Variants in GABRG1 observed in about 807,000 individuals in gnomAD.
GABRG1 encodes the protein gamma-aminobutyric acid type A receptor subunit gamma1, also known as gamma-aminobutyric acid receptor subunit gamma-1.
In GABRG1, 49 loss-of-function variants were observed where a neutral mutation model predicts 49.8. The ratio of observed to expected loss-of-function variants is 0.98; its 90% CI spans 0.78 to 1.25. GABRG1 has a LOEUF of 1.25. Among genes scored for constraint, GABRG1 ranks in the 50% most tolerant of loss-of-function variants. The pLI, the probability that GABRG1 is intolerant of heterozygous loss-of-function variation, is 0.00. For missense variants in GABRG1, 552 were observed against 552.3 expected (o/e 1.00, Z 0.01); for synonymous variants, 232 against 185.1 (o/e 1.25, Z -2.06).
At chr4:46,050,190 GA>G (rs1429881467) in intron 8 of GABRG1, among the ~76,000 whole-genome samples, 1 of 151,882 alleles carries the variant, frequency 6.6e-6, no homozygotes, top group Non-Finnish European at 1.5e-5. Flanking sequence ...ATATCCTATA[GA>G]TAAGCAAAAA....
chr4:46,064,761 A>G (rs570191673), intron 4 of GABRG1, among the ~76,000 whole-genome samples: 13 of 152,242 alleles, frequency 8.5e-5, no homozygotes, highest in African/African-American at 3.1e-4. Flanking sequence ...ATACATTTCA[A>G]TATGATCTCT....
chr4:46,063,122 C>A (rs1459346398), intron 5 of GABRG1, among the ~76,000 whole-genome samples: 5 of 151,530 alleles, frequency 3.3e-5, no homozygotes, highest in Non-Finnish European at 5.9e-5. Flanking sequence ...CAATGCCATC[C>A]CCATCAAGCT....
At chr4:46,094,420 G>C (rs1720102668) in intron 2 of GABRG1, among the ~76,000 whole-genome samples, 1 of 151,980 alleles carries the variant, frequency 6.6e-6, no homozygotes, top group South Asian at 2.1e-4. Context: ...AAGGGAGTCA[G>C]TGATGGGCCT....
chr4:46,080,779 A>G (rs1157339886), intron 3 of GABRG1, among the ~76,000 whole-genome samples: 1 of 151,864 alleles, frequency 6.6e-6, no homozygotes, highest in Non-Finnish European at 1.5e-5. Flanking sequence ...CGAAAAATAT[A>G]CAATTCATGA....
rs1717634798 is a variant in GABRG1, at chr4:46,038,804, T to C, written c.*2184A>G. The C allele has an allele frequency of 6.6e-6, 1 of 151,780 alleles. No homozygotes were observed. Among genetic ancestry groups the C allele is most frequent in the African/African-American group, 2.4e-5 (1 of 41,432 alleles). 9.4% of individuals were successfully genotyped at this position (151,780 alleles called of 1,614,324 possible). ...AACAAAGTGCTTGCTTGATGGTATA[T>C]ACAAGGAAAGGCATCTTTCATATAT... is the stretch of plus-strand genomic sequence containing the variant. On this transcript the variant is annotated 3_prime_UTR_variant, in exon 9 of 9. Transcript: ENST00000295452.
Position 46,041,089 on chromosome 4 carries a change from G to T in GABRG1, c.1297C>A (p.His433Asn). 2.5e-6 allele frequency: 4 copies of T among 1,613,146 alleles called. No individual in the cohort carries two copies. Among genetic ancestry groups the T allele is most frequent in the Admixed American group, 1.7e-5 (1 of 59,842 alleles). The change falls in exon 9 of 9, where the codon CAC (histidine) becomes AAC (asparagine). Residue 433 changes from histidine to asparagine, a missense_variant. By Grantham distance (68) the His-to-Asn change is moderately conservative (BLOSUM62 1). Coordinates refer to ENST00000295452, the MANE Select transcript of GABRG1 (RefSeq NM_173536.4). ...RTGSWREGRI[H>N]IRIAKIDSYS... The stretch of plus-strand genomic sequence containing the variant: ...GAGTCAATTTTGGCAATGCGTATGT[G>T]TATCCTTCCTTCCCTCCAAGATCCT...
intron 5 of GABRG1, among the ~76,000 whole-genome samples, chr4:46,063,729 C>G (rs1718800691): frequency 1.3e-5 from 2 of 152,070 alleles, no homozygotes; most frequent in Non-Finnish European, 2.9e-5. Flanking sequence ...AAACTACCAT[C>G]AGAGTGAACA....
intron 1 of GABRG1, among the ~76,000 whole-genome samples, chr4:46,118,248 ATCTAT>A: frequency 1.0e-5 from 1 of 96,142 alleles, no homozygotes; most frequent in African/African-American, 6.1e-5. Context: ...ATATAGATCT[ATCTAT>A]CTATCTATCT....
At position 46,070,417 on chromosome 4, in the gene GABRG1, G is replaced by A. The variant is rs887443268; in HGVS notation, c.322-4833C>T. On this transcript the variant is annotated intron_variant, in intron 3 of 8. Transcript: ENST00000295452. ...GACCATGAAGTAATGCAATCTGTAG[G>A]GTTTTATAAACCCTATGAATGAACT... is the stretch of plus-strand genomic sequence containing the variant. Among the ~76,000 whole-genome samples the A allele has an allele frequency of 6.6e-5, 10 of 151,844 alleles. No individual in the cohort carries two copies. The East Asian group carries it at 1.9e-3, about 29-fold the overall frequency.
chr4:46,111,537 C>G (rs1720714531), intron 1 of GABRG1, among the ~76,000 whole-genome samples: 2 of 151,202 alleles, frequency 1.3e-5, no homozygotes, highest in Non-Finnish European at 3.0e-5. Context: ...ATAGCCAAAG[C>G]AACTCCAAGA....
intron 4 of GABRG1, among the ~76,000 whole-genome samples, chr4:46,065,031 T>C (rs1387227153): frequency 6.6e-6 from 1 of 152,132 alleles, no homozygotes; most frequent in East Asian, 1.9e-4. Context: ...TAGAGTATTA[T>C]AAAATTTTAT....
intron 2 of GABRG1, among the ~76,000 whole-genome samples, chr4:46,087,163 AT>A (rs532015575): frequency 1.1e-3 from 163 of 151,072 alleles, no homozygotes; most frequent in African/African-American, 3.7e-3. Context: ...TCCTTTCTCT[AT>A]TTTTTTTAAA....
chr4:46,048,885 T>G (rs1718107619), intron 8 of GABRG1, among the ~76,000 whole-genome samples: 1 of 151,850 alleles, frequency 6.6e-6, no homozygotes, highest in South Asian at 2.1e-4. Flanking sequence ...TCAAGTATTA[T>G]CTCTTCCAAA....
At chr4:46,056,533 A>G (rs957368252) in intron 7 of GABRG1, among the ~76,000 whole-genome samples, 1 of 152,098 alleles carries the variant, frequency 6.6e-6, no homozygotes, top group South Asian at 2.1e-4. Context: ...TTTTCTAAAC[A>G]TTGATTTTGC....
At chr4:46,113,084 A>G (rs1044963555) in intron 1 of GABRG1, among the ~76,000 whole-genome samples, 2 of 151,292 alleles carry the variant, frequency 1.3e-5, no homozygotes, top group South Asian at 4.2e-4. Flanking sequence ...TTATTTAATC[A>G]TTGAAGCCTG....
At chr4:46,104,985 A>G (rs975503291) in intron 1 of GABRG1, among the ~76,000 whole-genome samples, 5 of 151,492 alleles carry the variant, frequency 3.3e-5, no homozygotes, top group Non-Finnish European at 7.4e-5. Flanking sequence ...ATTAAACATT[A>G]CTGGATTTAT....
chr4:46,120,391 T>TTCAATTGTTC (rs1721058478), intron 1 of GABRG1, among the ~76,000 whole-genome samples: 1 of 151,750 alleles, frequency 6.6e-6, no homozygotes, highest in Non-Finnish European at 1.5e-5. Context: ...AAACATTTCC[T>TTCAATTGTTC]CTTGTTCCTT....
intron 8 of GABRG1, among the ~76,000 whole-genome samples, chr4:46,041,669 T>C (rs78765386): frequency 0.017 from 2,530 of 152,108 alleles, 71 homozygotes; most frequent in African/African-American, 0.058. Context: ...AAAGAAGACA[T>C]TTTGATAATG....
intron 7 of GABRG1, among the ~76,000 whole-genome samples, chr4:46,054,228 C>G (rs1210892058): frequency 3.6e-5 from 1 of 27,502 alleles, no homozygotes; most frequent in Non-Finnish European, 6.6e-5. Context: ...GGTACCAGTA[C>G]CATGCTGTTT....
Sources: allele counts gnomAD v4.1 joint callset (sites outside exome capture counted in the v4.1 genomes callset), GRCh38; gene constraint gnomAD v4.1.1; transcripts MANE v1.5; gene names NCBI Gene and HGNC (gene_info 2026-07-23, HGNC 2026-07-21).